Variants in TMEM117 observed in about 807,000 individuals in gnomAD.
TMEM117 encodes transmembrane protein 117.
In TMEM117, 27 loss-of-function variants were observed where a neutral mutation model predicts 52.4. The ratio of observed to expected loss-of-function variants is 0.51; its 90% CI spans 0.38 to 0.71. The LOEUF (loss-of-function observed/expected upper bound fraction) is 0.71, where lower values mean the gene tolerates loss of function less well. Ranked by LOEUF, TMEM117 falls within the 30% of genes least tolerant of loss-of-function variation. The pLI, the probability that TMEM117 is intolerant of heterozygous loss-of-function variation, is 0.00. For missense variants in TMEM117, 556 were observed against 630.5 expected, an observed-to-expected ratio of 0.88 and a Z score of 1.26; for synonymous variants, 215 against 206.3, an observed-to-expected ratio of 1.04 and a Z score of -0.36.
At chr12:43,910,248 T>C (rs1243197704) in intron 2 of TMEM117, among the ~76,000 whole-genome samples, 1 of 151,898 alleles carries the variant, frequency 6.6e-6, no homozygotes, top group African/African-American at 2.4e-5. Context: ...AAAAACCACA[T>C]GATTATCTCA....
chr12:44,064,550 C>G (rs541708824), intron 3 of TMEM117, among the ~76,000 whole-genome samples: 4 of 152,130 alleles, frequency 2.6e-5, no homozygotes, highest in South Asian at 2.1e-4. Context: ...CTTTGTTAGT[C>G]AAGACTTCTA....
chr12:44,379,814 T>A (rs1463828065), intron 7 of TMEM117, among the ~76,000 whole-genome samples: 1 of 152,206 alleles, frequency 6.6e-6, no homozygotes, highest in African/African-American at 2.4e-5. Context: ...GTACTTTTTT[T>A]ATGGAGACTT....
the TMEM117 span, among the ~76,000 whole-genome samples, chr12:43,823,840 A>C: frequency 6.6e-6 from 1 of 152,082 alleles, no homozygotes; most frequent in African/African-American, 2.4e-5. Context: ...TTGTGTGCTG[A>C]TAGTGATTAA....
chr12:44,352,154 C>T (rs1022757958), intron 6 of TMEM117, among the ~76,000 whole-genome samples: 3 of 151,826 alleles, frequency 2.0e-5, no homozygotes, highest in Admixed American at 2.0e-4. Flanking sequence ...GGATGGACAC[C>T]CCATTTTTCA....
intron 2 of TMEM117, among the ~76,000 whole-genome samples, chr12:43,880,517 A>C (rs566782053): frequency 2.0e-5 from 3 of 152,190 alleles, no homozygotes; most frequent in African/African-American, 7.2e-5. Context: ...AAGGAATTGC[A>C]GATGAATGCC....
At chr12:43,961,030 T>G (rs1020998855) in intron 3 of TMEM117, among the ~76,000 whole-genome samples, 1 of 152,124 alleles carries the variant, frequency 6.6e-6, no homozygotes, top group Non-Finnish European at 1.5e-5. Context: ...CCCAGCATTC[T>G]TTAGCCATGT....
intron 4 of TMEM117, among the ~76,000 whole-genome samples, chr12:44,187,334 T>A (rs1213044743): frequency 1.3e-5 from 2 of 152,138 alleles, no homozygotes; most frequent in South Asian, 2.1e-4. Flanking sequence ...TCTCTATTTT[T>A]AAAAAATATA....
chr12:44,267,437 T>C (rs1465615582), intron 5 of TMEM117, among the ~76,000 whole-genome samples: 1 of 152,194 alleles, frequency 6.6e-6, no homozygotes, highest in Non-Finnish European at 1.5e-5. Flanking sequence ...AAGAATACAC[T>C]GTGAAACCAT....
chr12:43,983,928 T>C (rs2137728846), intron 3 of TMEM117, among the ~76,000 whole-genome samples: 1 of 152,274 alleles, frequency 6.6e-6, no homozygotes, highest in East Asian at 1.9e-4. Flanking sequence ...ATAAACTGTA[T>C]TTGCTTTTTT....
At chr12:43,820,737 G>T in the TMEM117 span, among the ~76,000 whole-genome samples, 16 of 152,278 alleles carry the variant, frequency 1.1e-4, no homozygotes, top group African/African-American at 3.8e-4. Context: ...CTCACAAATA[G>T]AAATTAGTCT....
rs773352634 is a variant in TMEM117, at chr12:44,214,138, A to ATTTTTT, written c.608+2772_608+2777dup. On this transcript the variant is annotated intron_variant, in intron 5 of 7. Transcript: ENST00000266534. ...CAATGTCTTACAAATTTTTTTTTTA[A>ATTTTTT]TTTTTTTTTTTTTTTTTTTTTTTTT... 6.0e-5 allele frequency among the ~76,000 whole-genome samples: 6 copies of ATTTTTT among 99,280 alleles called. No individual in the cohort carries two copies. The South Asian group carries it at 1.6e-3, about 27-fold the overall frequency. The allele number at this position is 99,280 out of a possible 152,430, so 65.1% of individuals were successfully genotyped here.
rs1946218562 is a variant in TMEM117, at chr12:44,007,520, C to T, written c.410+63178C>T. 2.6e-5 allele frequency among the ~76,000 whole-genome samples: 4 copies of T among 152,194 alleles called. No individual in the cohort carries two copies. In the South Asian group the frequency reaches 8.3e-4, roughly 32 times the overall value. On this transcript the variant is annotated intron_variant, in intron 3 of 7. Transcript: ENST00000266534. Reference sequence around the variant, plus strand: ...AAAAGTGAGTTTCTTTCTCTCAACCCTTCATTACAATGGTCCCTCCTATCC... The same window carrying T: ...AAAAGTGAGTTTCTTTCTCTCAACCTTTCATTACAATGGTCCCTCCTATCC...
intron 3 of TMEM117, among the ~76,000 whole-genome samples, chr12:44,008,048 C>T (rs556832760): frequency 6.6e-6 from 1 of 152,264 alleles, no homozygotes. Flanking sequence ...CAGTATGGCA[C>T]CAGTTTGAAA....
intron 4 of TMEM117, among the ~76,000 whole-genome samples, chr12:44,205,298 C>T (rs10880627): frequency 0.33 from 49,450 of 152,030 alleles, 10,453 homozygotes; most frequent in Non-Finnish European, 0.48. Flanking sequence ...TTCCCCTGTA[C>T]AAGCTCTCTT....
chr12:44,258,668 T>C (rs1396335227), intron 5 of TMEM117, among the ~76,000 whole-genome samples: 1 of 152,168 alleles, frequency 6.6e-6, no homozygotes, highest in Non-Finnish European at 1.5e-5. Flanking sequence ...GGAAAGCTTT[T>C]CACAATTCAA....
chr12:43,961,496 T>C (rs909484489), intron 3 of TMEM117, among the ~76,000 whole-genome samples: 1 of 152,224 alleles, frequency 6.6e-6, no homozygotes, highest in African/African-American at 2.4e-5. Context: ...GCCCATGGAA[T>C]ATATGGCACC....
At chr12:43,892,626 G>A (rs1944127810) in intron 2 of TMEM117, among the ~76,000 whole-genome samples, 1 of 152,184 alleles carries the variant, frequency 6.6e-6, no homozygotes, top group Non-Finnish European at 1.5e-5. Context: ...TCTTCCTAAA[G>A]TGTAGCTCTA....
intron 3 of TMEM117, among the ~76,000 whole-genome samples, chr12:44,138,032 G>T (rs1467727251): frequency 6.6e-6 from 1 of 152,102 alleles, no homozygotes; most frequent in Non-Finnish European, 1.5e-5. Flanking sequence ...GGAAGGAAAG[G>T]TATTTTTATT....
At position 44,055,656 on chromosome 12, in the gene TMEM117, C is replaced by T. The variant is rs11182409; in HGVS notation, c.411-87869C>T. On this transcript the variant is annotated intron_variant, in intron 3 of 7. Transcript: ENST00000266534. The stretch of plus-strand genomic sequence containing the variant: ...TGTAAAGTGGTAATAATATCATTTT[C>T]TTATAGGGTTAAAATCAAGATTAAA... Among the ~76,000 whole-genome samples the T allele has an allele frequency of 1.4e-3, 216 of 152,096 alleles. 3 individuals are homozygous for T. The East Asian group carries it at 0.025, about 18-fold the overall frequency.
Sources: allele counts gnomAD v4.1 joint callset (sites outside exome capture counted in the v4.1 genomes callset), GRCh38; gene constraint gnomAD v4.1.1; transcripts MANE v1.5; gene names NCBI Gene and HGNC (gene_info 2026-07-23, HGNC 2026-07-21).